The following MICAL3 variants were observed in gnomAD, a reference collection of about 807,000 sequenced individuals.
The protein encoded by MICAL3 is microtubule associated monooxygenase, calponin and LIM domain containing 3, also known as [F-actin]-monooxygenase MICAL3.
MICAL3 carries 62 observed loss-of-function variants against 207.4 expected under a neutral mutation model. The observed-to-expected ratio is 0.30, with a 90% confidence interval of 0.24 to 0.37. The LOEUF (loss-of-function observed/expected upper bound fraction) is 0.37, where lower values mean the gene tolerates loss of function less well. MICAL3 is among the 10% of genes least tolerant of loss of function. The probability of loss-of-function intolerance (pLI) is 1.00; values close to 1 mark genes in which losing one functional copy is unlikely to be tolerated. For synonymous variants in MICAL3, 1,077 were observed against 1,069.3 expected, an observed-to-expected ratio of 1.01 and a Z score of -0.14; for missense variants, 2,368 against 2,635.6, an observed-to-expected ratio of 0.90 and a Z score of 2.22.
intron 19 of MICAL3, chr22:17,862,288 C>T: frequency 5.2e-6 from 5 of 968,192 alleles, no homozygotes; most frequent in Non-Finnish European, 6.1e-6. Flanking sequence ...TGGAGTCTTG[C>T]TCTGTCATCA....
rs2061881751 is a variant in MICAL3 at position 17,796,842 on chromosome 22, C to T, written c.5651-5541G>A. On this transcript the variant is annotated intron_variant, in intron 29 of 31. Transcript: ENST00000441493. This position sits in a 1 kb window ranked among gnomAD's most constrained non-coding sequence, Gnocchi z 4.4. ...CTACACTACCACCTGGCCCTTGGCG[C>T]ACCCGAGCACCTCACTCCAGGCCCT... Among the ~76,000 whole-genome samples, 1 of 152,214 alleles carries T rather than the reference C, an allele frequency of 6.6e-6. No homozygotes were observed. The highest frequency in any genetic ancestry group is 2.4e-5 in the African/African-American group (1 of 41,444).
At chr22:17,999,033 C>T (rs151054758) in intron 1 of MICAL3, among the ~76,000 whole-genome samples, 3 of 152,210 alleles carry the variant, frequency 2.0e-5, no homozygotes, top group South Asian at 2.1e-4. Context: ...TTCAGAGGCA[C>T]GGCCCAGCAA....
intron 1 of MICAL3, among the ~76,000 whole-genome samples, chr22:17,930,969 G>C (rs1168719648): frequency 1.3e-5 from 2 of 152,202 alleles, no homozygotes; most frequent in Non-Finnish European, 2.9e-5. Context: ...CTTCCCAGAG[G>C]CAGCGCCTCC....
chr22:17,816,831 G>A (rs1257094669), intron 26 of MICAL3, 47 bp from the exon 27 acceptor site: 11 of 1,381,886 alleles, frequency 8.0e-6, no homozygotes, highest in African/African-American at 1.4e-5. Context: ...GACAGCAGGC[G>A]CAGCCCTCTC....
intron 1 of MICAL3, among the ~76,000 whole-genome samples, chr22:17,953,070 G>A (rs886674529): frequency 1.3e-5 from 2 of 152,158 alleles, no homozygotes; most frequent in Non-Finnish European, 2.9e-5. Context: ...GGGCTCAGGA[G>A]CATAAGGTGT....
At chr22:17,866,540 G>C (rs935492982) in intron 17 of MICAL3, among the ~76,000 whole-genome samples, 1 of 152,060 alleles carries the variant, frequency 6.6e-6, no homozygotes, top group African/African-American at 2.4e-5. Flanking sequence ...GGATCAGCAG[G>C]AAAGGACATT....
At chr22:17,906,446 G>C in intron 2 of MICAL3, 103 bp downstream of exon 2, 1 of 1,603,274 alleles carries the variant, frequency 6.2e-7, no homozygotes, top group East Asian at 2.2e-5. Context: ...TTGGCACCCA[G>C]ACCTTGTAGA....
At chr22:17,887,943 C>G (rs1288899725) in intron 13 of MICAL3, among the ~76,000 whole-genome samples, 1 of 152,138 alleles carries the variant, frequency 6.6e-6, no homozygotes, top group African/African-American at 2.4e-5. Context: ...GTTGTAAGAA[C>G]GTCATGGCTA....
At chr22:17,983,008 G>C (rs1935996312) in intron 1 of MICAL3, among the ~76,000 whole-genome samples, 1 of 152,174 alleles carries the variant, frequency 6.6e-6, no homozygotes, top group South Asian at 2.1e-4. Context: ...ACCTTGGGCT[G>C]AGGCCACAGC....
intron 1 of MICAL3, among the ~76,000 whole-genome samples, chr22:17,961,909 T>C (rs1110659): frequency 0.2 from 30,436 of 152,176 alleles, 3,201 homozygotes; most frequent in Middle Eastern, 0.28. Context: ...CTGTGCAGTA[T>C]CACAAGATCA....
intron 1 of MICAL3, among the ~76,000 whole-genome samples, chr22:17,986,157 G>A (rs1171671908): frequency 6.6e-6 from 1 of 152,074 alleles, no homozygotes; most frequent in Non-Finnish European, 1.5e-5. Flanking sequence ...CACACACCTC[G>A]GCCTCCCAAA....
At position 17,967,904 on chromosome 22, in the gene MICAL3, G is replaced by A. The variant is rs566460313; in HGVS notation, c.-75+56377C>T. 5.9e-5 allele frequency among the ~76,000 whole-genome samples: 9 copies of A among 152,268 alleles called. No homozygotes were observed. The East Asian group carries it at 1.4e-3, about 23-fold the overall frequency. Reference sequence around the variant, plus strand: ...CTAAAAATACAAAAATTAGCCAGGCGTGGTCACGCACACCTGTAATCCCAG... The same window carrying A: ...CTAAAAATACAAAAATTAGCCAGGCATGGTCACGCACACCTGTAATCCCAG... On this transcript the variant is annotated intron_variant, in intron 1 of 31. Transcript: ENST00000441493.
At chr22:18,000,827 T>C (rs1396724426) in intron 1 of MICAL3, among the ~76,000 whole-genome samples, 1 of 152,136 alleles carries the variant, frequency 6.6e-6, no homozygotes, top group Non-Finnish European at 1.5e-5. Flanking sequence ...GAGCCCACGC[T>C]TGGCGCACGC....
At chr22:17,950,801 G>T (rs888579415) in intron 1 of MICAL3, among the ~76,000 whole-genome samples, 3 of 152,186 alleles carry the variant, frequency 2.0e-5, no homozygotes, top group African/African-American at 7.2e-5. Context: ...TCACACTCAC[G>T]ACAGATGTCT....
Position 17,934,790 on chromosome 22 carries a change from C to T in MICAL3, c.-74-27904G>A, listed in dbSNP as rs186853982. Among the ~76,000 whole-genome samples, 12 of 152,260 alleles carry T rather than the reference C, an allele frequency of 7.9e-5. No homozygotes were observed. The East Asian group carries it at 2.1e-3, about 27-fold the overall frequency. Reference sequence around the variant, plus strand: ...GGATACAAAATCAATGTGCAAAAATCACAAGCATTCTTATACACCAATAAT... The same window carrying T: ...GGATACAAAATCAATGTGCAAAAATTACAAGCATTCTTATACACCAATAAT... On this transcript the variant is annotated intron_variant, in intron 1 of 31. Transcript: ENST00000441493.
Position 17,900,762 on chromosome 22 carries a change from A to AC in MICAL3, c.847+79dup. On this transcript the variant is annotated intron_variant, in intron 6 of 31. Transcript: ENST00000441493. The surrounding 1 kb of genome is among the most constrained non-coding windows in gnomAD (Gnocchi z 4.0). Reference sequence around the variant, plus strand: ...GCAGGAGGGACACCGACGGCCACTCACCCCACCAATCCCCCAAGAAAAAGC... The same window carrying AC: ...GCAGGAGGGACACCGACGGCCACTCACCCCCACCAATCCCCCAAGAAAAAGC... 8.3e-6 allele frequency: 11 copies of AC among 1,329,364 alleles called. No homozygotes were observed. The highest frequency in any genetic ancestry group is 1.2e-5 in the Non-Finnish European group (11 of 935,358). 82.3% of individuals were successfully genotyped at this position (1,329,364 alleles called of 1,614,324 possible). A position where few individuals can be genotyped will look rare whatever the true frequency, so the allele number is the denominator to read the frequency against.
At chr22:17,907,403 C>T (rs1466209882) in intron 1 of MICAL3, among the ~76,000 whole-genome samples, 7 of 152,278 alleles carry the variant, frequency 4.6e-5, no homozygotes, top group South Asian at 2.1e-4. Flanking sequence ...CCGGATTAAA[C>T]GGAGACATCA....
rs1016841047 is a variant in MICAL3, at chr22:17,894,358, C to T, written c.1450-454G>A. On this transcript the variant is annotated intron_variant, in intron 10 of 31. Coordinates refer to ENST00000441493, the MANE Select transcript of MICAL3 (RefSeq NM_015241.3). The stretch of plus-strand genomic sequence containing the variant: ...AGTGAGCTGAGATAGTGCCACCACA[C>T]CCCAGAGAGCCTGGGCAACAAAGCA... 2.3e-4 allele frequency among the ~76,000 whole-genome samples: 34 copies of T among 150,044 alleles called. 1 individual carries two copies. Among genetic ancestry groups the T allele is most frequent in the Non-Finnish European group, 4.3e-4 (29 of 67,638 alleles).
chr22:17,925,557 G>A (rs983738985), intron 1 of MICAL3, among the ~76,000 whole-genome samples: 2 of 152,150 alleles, frequency 1.3e-5, no homozygotes, highest in Admixed American at 1.3e-4. Flanking sequence ...TCAGCAACAC[G>A]AAGGGAGCTC....
Sources: gnomAD v4.1 joint callset for allele counts (sites outside exome capture counted in the v4.1 genomes callset) on GRCh38, gnomAD v4.1.1 for gene constraint, Gnocchi (gnomAD v3.1) non-coding constraint, MANE v1.5 for transcripts, NCBI Gene and HGNC (gene_info 2026-07-23, HGNC 2026-07-21) for gene names.